Variants in MGAM2 observed in about 807,000 individuals in gnomAD.
The protein encoded by MGAM2 is maltase-glucoamylase 2 (putative).
MGAM2 carries 98 observed loss-of-function variants against 96.1 expected under a neutral mutation model. The observed-to-expected ratio is 1.02, with a 90% CI of 0.87 to 1.21. The LOEUF (loss-of-function observed/expected upper bound fraction) is 1.21, where lower values mean the gene tolerates loss of function less well. Among genes scored for constraint, MGAM2 ranks in the 50% most tolerant of loss-of-function variants. The probability of loss-of-function intolerance (pLI) is 0.00; values close to 1 mark genes in which losing one functional copy is unlikely to be tolerated. For missense variants in MGAM2, 2,055 were observed against 1,182.4 expected, an observed-to-expected ratio of 1.74 and a Z score of -10.82; for synonymous variants, 749 against 414.8, an observed-to-expected ratio of 1.81 and a Z score of -9.79.
At chr7:142,210,823 A>C (rs1797558732) in intron 46 of MGAM2, among the ~76,000 whole-genome samples, 1 of 152,230 alleles carries the variant, frequency 6.6e-6, no homozygotes, top group South Asian at 2.1e-4. Flanking sequence ...CTCCCAGCAC[A>C]GTGCTGGAGC....
chr7:142,202,557 G>C (rs571929200), intron 45 of MGAM2, among the ~76,000 whole-genome samples: 1 of 152,278 alleles, frequency 6.6e-6, no homozygotes, highest in East Asian at 1.9e-4. Flanking sequence ...TTATAAGTAA[G>C]AAAATGCATT....
At chr7:142,218,949 T>C (rs1797842561) in intron 47 of MGAM2, among the ~76,000 whole-genome samples, 1 of 152,196 alleles carries the variant, frequency 6.6e-6, no homozygotes, top group African/African-American at 2.4e-5. Context: ...CCTGGTCAAA[T>C]TGATGGATCT....
intron 46 of MGAM2, among the ~76,000 whole-genome samples, chr7:142,213,657 G>T (rs1203909090): frequency 2.0e-5 from 3 of 152,064 alleles, no homozygotes; most frequent in South Asian, 2.1e-4. Flanking sequence ...CCAATAACAA[G>T]GTCTGAAATT....
At chr7:142,170,349 G>T in intron 27 of MGAM2, 120 bp downstream of exon 27, 2 of 501,672 alleles carry the variant, frequency 4.0e-6, no homozygotes, top group Non-Finnish European at 7.0e-6. Context: ...GCATTTGTTA[G>T]AGTATATCTA....
intron 37 of MGAM2, among the ~76,000 whole-genome samples, chr7:142,193,352 G>C (rs1796930531): frequency 1.3e-5 from 2 of 152,056 alleles, no homozygotes; most frequent in African/African-American, 4.8e-5. Flanking sequence ...TACATTTTAA[G>C]TTATTTCCTC....
chr7:142,167,486 G>C lies in MGAM2; in HGVS notation c.3027G>C (p.Lys1009Asn), dbSNP rs1298794572. 1.1e-5 allele frequency: 8 copies of C among 702,852 alleles called. No individual in the cohort carries two copies. Among genetic ancestry groups the C allele is most frequent in the Non-Finnish European group, 1.8e-5 (7 of 384,992 alleles). 43.5% of individuals were successfully genotyped at this position (702,852 alleles called of 1,614,324 possible). ...IYHTATMLQV[K>N]IYDPTNKRYE... is the part of the protein sequence containing the mutation. The stretch of plus-strand genomic sequence containing the variant: ...ACACAGCAACCATGCTGCAGGTCAA[G>C]GTAAGGCCCATGTTGCAGATTCTGG... The change falls in exon 26 of 48, where the codon AAG (lysine) becomes AAC (asparagine). Residue 1009 changes from lysine (K) to asparagine (N), a missense_variant and splice_region_variant. Transcript: ENST00000477922.
rs1284131017 is a variant in MGAM2 at position 142,221,503 on chromosome 7, A to T, written c.6992A>T (p.Asn2331Ile). 1.8e-6 allele frequency: 1 copy of T among 544,880 alleles called. No homozygotes were observed. The highest frequency in any genetic ancestry group is 1.9e-5 in the African/African-American group (1 of 53,082). 33.8% of individuals were successfully genotyped at this position (544,880 alleles called of 1,614,324 possible). A position where few individuals can be genotyped will look rare whatever the true frequency, so the allele number is the denominator to read the frequency against. ...SNTFTTDKIT[N>I]FTTPTNANTI... ...ACATTCACTACTGATAAAATTACTA[A>T]TTTTACTACCCCTACAAATGCAAAC... is the stretch of plus-strand genomic sequence containing the variant. The change falls in exon 48 of 48, where the codon AAT becomes ATT. Residue 2331 changes from asparagine to isoleucine, a missense_variant. Transcript: ENST00000477922.
At chr7:142,124,480 C>T (rs951100901) in intron 3 of MGAM2, among the ~76,000 whole-genome samples, 5 of 152,110 alleles carry the variant, frequency 3.3e-5, no homozygotes, top group Non-Finnish European at 7.4e-5. Flanking sequence ...TATGATAGGT[C>T]TTAATGTGTG....
At position 142,222,191 on chromosome 7, in the gene MGAM2, A is replaced by G. The variant is rs911600979; in HGVS notation, c.*132A>G. The G allele has an allele frequency of 2.3e-5, 9 of 395,702 alleles. No individual in the cohort carries two copies. In the South Asian group the frequency reaches 5.7e-4, roughly 25 times the overall value. The allele number at this position is 395,702 out of a possible 1,614,324, so 24.5% of individuals were successfully genotyped here. On this transcript the variant is annotated 3_prime_UTR_variant, in exon 48 of 48. Coordinates refer to ENST00000477922, the MANE Select transcript of MGAM2 (RefSeq NM_001293626.2). ...TTTCACGGATATTAGTACTCTAGCC[A>G]TAAAAGACACAGCTACTCCAAACAC...
chr7:142,175,898 T>A (rs1245285883), intron 32 of MGAM2, 118 bp downstream of exon 32: 1 of 468,486 alleles, frequency 2.1e-6, no homozygotes, highest in Non-Finnish European at 3.8e-6. Context: ...TCTGTACTTT[T>A]TGTTTTGTTT....
chr7:142,163,420 T>TA (rs1447959468), intron 23 of MGAM2, among the ~76,000 whole-genome samples: 1 of 152,150 alleles, frequency 6.6e-6, no homozygotes, highest in Non-Finnish European at 1.5e-5. Flanking sequence ...TAGCTGGGAT[T>TA]ACAGGCATGC....
intron 3 of MGAM2, among the ~76,000 whole-genome samples, chr7:142,129,825 CAAAAAAAAAAAAAAAAAAAAAAAA>C (rs71166564): frequency 2.7e-4 from 9 of 33,408 alleles, no homozygotes; most frequent in African/African-American, 7.2e-4. Context: ...AACTCTGTCT[CAAAAAAAAAAAAAAAAAAAAAAAA>C]AAAAAAAAAA....
intron 17 of MGAM2, among the ~76,000 whole-genome samples, chr7:142,156,964 A>AT (rs1324295817): frequency 1.3e-5 from 2 of 152,052 alleles, no homozygotes; most frequent in Admixed American, 1.3e-4. Context: ...CTAATGGGTT[A>AT]TTTTTTTACT....
intron 2 of MGAM2, among the ~76,000 whole-genome samples, chr7:142,118,102 C>G (rs1455500441): frequency 6.6e-6 from 1 of 152,078 alleles, no homozygotes; most frequent in Non-Finnish European, 1.5e-5. Flanking sequence ...TGTTGTACAT[C>G]AGATTTCTGG....
In MGAM2 at chr7:142,167,382, G is replaced by A. The variant is rs1238218541; in HGVS notation, c.2923G>A (p.Ala975Thr). The A allele has an allele frequency of 5.7e-6, 4 of 702,702 alleles. No individual in the cohort carries two copies. The African/African-American group carries it at 7.0e-5, about 12-fold the overall frequency. The allele number at this position is 702,702 out of a possible 1,614,324, so 43.5% of individuals were successfully genotyped here. The change falls in exon 26 of 48, where the codon GCC (alanine) becomes ACC (threonine). Residue 975 changes from alanine to threonine, a missense_variant. Ala to Thr is a moderately conservative substitution (Grantham distance 58). Coordinates refer to ENST00000477922, the MANE Select transcript of MGAM2 (RefSeq NM_001293626.2). ...SITADLSLPM[A>T]PESAAAAASD... ...CACTGCAGACCTTTCCCTCCCGATG[G>A]CCCCTGAGTCAGCTGCTGCTGCCGC...
Position 142,159,276 on chromosome 7 carries a change from T to G in MGAM2, c.2164-11T>G. The G allele has an allele frequency of 1.4e-6, 1 of 702,118 alleles. No individual in the cohort carries two copies. Among genetic ancestry groups the G allele is most frequent in the Non-Finnish European group, 2.6e-6 (1 of 384,372 alleles). The allele number at this position is 702,118 out of a possible 1,614,324, so 43.5% of individuals were successfully genotyped here. A position where few individuals can be genotyped will look rare whatever the true frequency, so the allele number is the denominator to read the frequency against. Reference sequence around the variant, plus strand: ...GTATGCTAATGCTACTCATTATTGTTGTTTACCTAGGGTGTGGACGAAGTG... The same window carrying G: ...GTATGCTAATGCTACTCATTATTGTGGTTTACCTAGGGTGTGGACGAAGTG... On this transcript the variant is annotated splice_polypyrimidine_tract_variant and intron_variant, in intron 19 of 47. Coordinates refer to ENST00000477922, the MANE Select transcript of MGAM2 (RefSeq NM_001293626.2).
chr7:142,127,205 G>C (rs1326131711), intron 3 of MGAM2, among the ~76,000 whole-genome samples: 1 of 152,040 alleles, frequency 6.6e-6, no homozygotes, highest in Non-Finnish European at 1.5e-5. Flanking sequence ...CTAGTGTCTT[G>C]GGTTGTACAT....
At chr7:142,127,879 G>C (rs1346448023) in intron 3 of MGAM2, among the ~76,000 whole-genome samples, 3 of 152,162 alleles carry the variant, frequency 2.0e-5, no homozygotes, top group Non-Finnish European at 4.4e-5. Flanking sequence ...GACTAATACA[G>C]TAAATTGGTA....
chr7:142,165,187 A>G (rs1446017299), intron 24 of MGAM2, among the ~76,000 whole-genome samples, 164 bp downstream of exon 24: 1 of 152,214 alleles, frequency 6.6e-6, no homozygotes, highest in Non-Finnish European at 1.5e-5. Context: ...TGCTAAAGAA[A>G]GACCTCTCTG....
Sources: gnomAD v4.1 joint callset for allele counts (sites outside exome capture counted in the v4.1 genomes callset) on GRCh38, gnomAD v4.1.1 for gene constraint, MANE v1.5 for transcripts, NCBI Gene and HGNC (gene_info 2026-07-23, HGNC 2026-07-21) for gene names.